ST18: variants seen among roughly 807,000 people sequenced by gnomAD.
ST18 encodes the protein ST18 C2H2C-type zinc finger transcription factor.
A neutral mutation model predicts 110.0 loss-of-function variants in ST18; 50 were observed. That is an observed-to-expected ratio of 0.45 (90% CI 0.36 to 0.58). The LOEUF is 0.58. Among genes scored for constraint, ST18 ranks in the 20% least tolerant of loss-of-function variants. The pLI, the probability that ST18 is intolerant of heterozygous loss-of-function variation, is 0.00. For missense variants in ST18, 1,306 were observed against 1,280.1 expected (o/e 1.02, Z -0.31); for synonymous variants, 461 against 452.4 (o/e 1.02, Z -0.24).
chr8:52,388,617 G>A (rs548960599), intron 2 of ST18, among the ~76,000 whole-genome samples: 97 of 152,110 alleles, frequency 6.4e-4, no homozygotes, highest in Middle Eastern at 3.4e-3. Flanking sequence ...GGCGCACGAT[G>A]GCGTAACGGT....
At position 52,202,774 on chromosome 8, in the gene ST18, T is replaced by C. The variant is rs1344083779; in HGVS notation, c.86+9305A>G. ...GAGATGGAAAGAATGTTTTATATCA[T>C]GAAAAATCAGAAGTAGCATTAGGTG... is the stretch of plus-strand genomic sequence containing the variant. On this transcript the variant is annotated intron_variant, in intron 8 of 25. Coordinates refer to ENST00000689386, the MANE Select transcript of ST18 (RefSeq NM_001352837.2). Among the ~76,000 whole-genome samples, 3 of 152,160 alleles carry C rather than the reference T, an allele frequency of 2.0e-5. No homozygotes were observed. The South Asian group carries it at 6.2e-4, about 31-fold the overall frequency.
chr8:52,382,515 A>C (rs1219730628), intron 2 of ST18, among the ~76,000 whole-genome samples: 1 of 152,252 alleles, frequency 6.6e-6, no homozygotes, highest in Non-Finnish European at 1.5e-5. Flanking sequence ...TAGTGTTTCA[A>C]GGCATTTTCT....
intron 2 of ST18, chr8:52,404,848 A>G (rs1319994779): frequency 6.6e-6 from 1 of 152,192 alleles, no homozygotes; most frequent in African/African-American, 2.4e-5. Context: ...TTTTTAAAAA[A>G]ATTATTTTTT....
chr8:52,238,579 A>G (rs2093009721), intron 2 of ST18, among the ~76,000 whole-genome samples: 1 of 152,172 alleles, frequency 6.6e-6, no homozygotes, highest in South Asian at 2.1e-4. Flanking sequence ...CAAAGACATG[A>G]AATCCACCTA....
At chr8:52,116,055 G>C (rs1176693233) in intron 25 of ST18, among the ~76,000 whole-genome samples, 1 of 151,962 alleles carries the variant, frequency 6.6e-6, no homozygotes, top group Non-Finnish European at 1.5e-5. Flanking sequence ...AAATGACTTT[G>C]GCCTCTAAAA....
At chr8:52,165,548 G>T (rs528584381) in intron 11 of ST18, among the ~76,000 whole-genome samples, 2 of 152,304 alleles carry the variant, frequency 1.3e-5, no homozygotes, top group African/African-American at 4.8e-5. Context: ...GGGATGGATG[G>T]AGCATGCCGT....
intron 2 of ST18, among the ~76,000 whole-genome samples, chr8:52,281,994 A>T (rs987253445): frequency 8.5e-5 from 13 of 152,188 alleles, no homozygotes; most frequent in Admixed American, 6.5e-5. Flanking sequence ...ACCACTAAAG[A>T]ACTTATTCAT....
intron 2 of ST18, among the ~76,000 whole-genome samples, chr8:52,325,885 C>T (rs1458406254): frequency 1.3e-5 from 2 of 152,116 alleles, no homozygotes; most frequent in Non-Finnish European, 2.9e-5. Context: ...CCATATGGTA[C>T]CCATTTGTTG....
intron 25 of ST18, among the ~76,000 whole-genome samples, chr8:52,114,475 G>T (rs1346563229): frequency 6.6e-6 from 1 of 152,172 alleles, no homozygotes; most frequent in Non-Finnish European, 1.5e-5. Context: ...AAGGTGCTTG[G>T]AAGAAAGGAC....
intron 10 of ST18, among the ~76,000 whole-genome samples, chr8:52,168,429 C>G (rs1344064565): frequency 1.3e-5 from 2 of 152,004 alleles, no homozygotes; most frequent in Non-Finnish European, 2.9e-5. Context: ...ATTGTGAGAG[C>G]AGACGTGCCT....
chr8:52,194,018 C>T (rs1226960731), intron 8 of ST18, among the ~76,000 whole-genome samples: 4 of 152,110 alleles, frequency 2.6e-5, no homozygotes, highest in East Asian at 1.9e-4. Flanking sequence ...TATCTGATAA[C>T]GTCAGGTTTA....
chr8:52,204,853 A>G (rs17312039), intron 8 of ST18, among the ~76,000 whole-genome samples: 15,815 of 152,228 alleles, frequency 0.1, 1,119 homozygotes, highest in Middle Eastern at 0.21. Context: ...CCTGTAATCT[A>G]TTGGTTGACA....
At chr8:52,210,132 A>C (rs1387484891) in intron 8 of ST18, 2 of 456,108 alleles carry the variant, frequency 4.4e-6, no homozygotes. Flanking sequence ...AACAAGAACC[A>C]AGAAACCACT....
chr8:52,399,230 G>GT (rs2141068270), intron 2 of ST18, among the ~76,000 whole-genome samples: 1 of 151,952 alleles, frequency 6.6e-6, no homozygotes, highest in Admixed American at 6.5e-5. Context: ...GCATACAATT[G>GT]TTCAGAATAG....
At chr8:52,303,510 A>G (rs778014908) in intron 2 of ST18, among the ~76,000 whole-genome samples, 12 of 152,198 alleles carry the variant, frequency 7.9e-5, no homozygotes, top group South Asian at 4.1e-4. Context: ...TAAGACTTCA[A>G]TGTATCTTTT....
intron 2 of ST18, among the ~76,000 whole-genome samples, chr8:52,336,771 C>T (rs976133155): frequency 2.6e-5 from 4 of 152,120 alleles, no homozygotes; most frequent in African/African-American, 9.7e-5. Flanking sequence ...GGCAAGGAGC[C>T]ATGCTTGTGT....
chr8:52,227,327 G>T (rs1430195661), intron 3 of ST18, among the ~76,000 whole-genome samples: 4 of 152,130 alleles, frequency 2.6e-5, no homozygotes, highest in Non-Finnish European at 5.9e-5. Flanking sequence ...GTTCTCAAGA[G>T]CTCAAACCAG....
At chr8:52,304,413 T>TA (rs2095781914) in intron 2 of ST18, among the ~76,000 whole-genome samples, 1 of 152,172 alleles carries the variant, frequency 6.6e-6, no homozygotes, top group South Asian at 2.1e-4. Context: ...ATCAGAGAAT[T>TA]AAAGTGTAGA....
intron 2 of ST18, among the ~76,000 whole-genome samples, chr8:52,374,973 G>A (rs1466378104): frequency 2.0e-5 from 3 of 152,080 alleles, no homozygotes; most frequent in Admixed American, 6.5e-5. Context: ...GCACTTACCC[G>A]AAGGCTGCAG....
Sources: allele counts gnomAD v4.1 joint callset (sites outside exome capture counted in the v4.1 genomes callset), GRCh38; gene constraint gnomAD v4.1.1; transcripts MANE v1.5; gene names NCBI Gene and HGNC (gene_info 2026-07-23, HGNC 2026-07-21).